Variants in NELL1 observed in about 807,000 individuals in gnomAD.
NELL1 encodes the protein protein kinase C-binding protein NELL1.
Under a neutral mutation model 107.4 loss-of-function variants are expected in NELL1, and 76 were observed. That is an observed-to-expected ratio of 0.71 (90% CI 0.59 to 0.86). The LOEUF is 0.86. Among genes scored for constraint, NELL1 ranks in the 40% least tolerant of loss-of-function variants. NELL1 has a pLI of 0.00. For missense variants in NELL1, 1,024 were observed against 1,005.5 expected, an observed-to-expected ratio of 1.02 and a Z score of -0.25; for synonymous variants, 353 against 341.2, an observed-to-expected ratio of 1.03 and a Z score of -0.38.
intron 12 of NELL1, among the ~76,000 whole-genome samples, chr11:21,103,348 C>T (rs1854867815): frequency 1.3e-5 from 2 of 152,204 alleles, no homozygotes; most frequent in South Asian, 4.2e-4. Flanking sequence ...AAATTGCTAT[C>T]GAATTAACCA....
chr11:21,564,637 T>G, intron 17 of NELL1, among the ~76,000 whole-genome samples: 1 of 151,412 alleles, frequency 6.6e-6, no homozygotes. Flanking sequence ...GTGAGTAGCC[T>G]TCATCGTGAA....
intron 13 of NELL1, among the ~76,000 whole-genome samples, chr11:21,223,472 T>C (rs1627773): frequency 0.81 from 123,292 of 152,074 alleles, 50,146 homozygotes; most frequent in Admixed American, 0.84. Flanking sequence ...GCAATATTAG[T>C]TTCTTATGAA....
chr11:21,210,113 C>A (rs1211417530), intron 13 of NELL1, among the ~76,000 whole-genome samples: 1 of 152,088 alleles, frequency 6.6e-6, no homozygotes, highest in African/African-American at 2.4e-5. Flanking sequence ...GGATATGCTG[C>A]ATTTTCTTCA....
intron 14 of NELL1, among the ~76,000 whole-genome samples, chr11:21,354,259 A>C (rs190732916): frequency 7.2e-5 from 11 of 152,282 alleles, no homozygotes; most frequent in Non-Finnish European, 1.5e-4. Flanking sequence ...GGGCAGGGAC[A>C]GTATTGTCTG....
intron 13 of NELL1, among the ~76,000 whole-genome samples, chr11:21,228,088 C>T (rs946185599): frequency 6.6e-6 from 1 of 152,046 alleles, no homozygotes; most frequent in African/African-American, 2.4e-5. Flanking sequence ...TGTTTTATAA[C>T]TATTTATGAT....
intron 12 of NELL1, among the ~76,000 whole-genome samples, chr11:21,039,785 G>C (rs1056265601): frequency 2.6e-5 from 4 of 152,200 alleles, no homozygotes; most frequent in Non-Finnish European, 4.4e-5. Context: ...AAATTGGAGG[G>C]TAGGAATTCC....
chr11:20,772,201 A>G lies in NELL1; in HGVS notation c.185-11479A>G, dbSNP rs1856653671. Reference sequence around the variant, plus strand: ...ACCAAACTTTTAAAGCAGGCTAGAGATGACACCCTTAATATACAGAGTAGT... The same window carrying G: ...ACCAAACTTTTAAAGCAGGCTAGAGGTGACACCCTTAATATACAGAGTAGT... On this transcript the variant is annotated intron_variant, in intron 2 of 19. Transcript: ENST00000357134. 7.9e-5 allele frequency among the ~76,000 whole-genome samples: 12 copies of G among 152,332 alleles called. 1 individual carries two copies. The South Asian group carries it at 2.5e-3, about 32-fold the overall frequency.
At chr11:20,688,709 G>GT (rs1465949843) in intron 2 of NELL1, among the ~76,000 whole-genome samples, 2 of 152,022 alleles carry the variant, frequency 1.3e-5, no homozygotes, top group Admixed American at 1.3e-4. Context: ...GAGTACATGT[G>GT]TTTTTTGGTA....
chr11:21,456,413 C>T (rs73461292), intron 15 of NELL1, among the ~76,000 whole-genome samples: 4,602 of 151,912 alleles, frequency 0.03, 230 homozygotes, highest in African/African-American at 0.1. Context: ...CAAAACTGCA[C>T]GATGTACTTC....
At position 21,063,111 on chromosome 11, in the gene NELL1, G is replaced by T. The variant is rs559770755; in HGVS notation, c.1301-50478G>T. ...GATCCCCCTGCCTCAGACTCCTGAA[G>T]TGCTAGGATTACAAATGTGAGCCAC... On this transcript the variant is annotated intron_variant, in intron 12 of 19. Coordinates refer to ENST00000357134, the MANE Select transcript of NELL1 (RefSeq NM_006157.5). Among the ~76,000 whole-genome samples, 7 of 152,208 alleles carry T rather than the reference G, an allele frequency of 4.6e-5. No individual in the cohort carries two copies. In the South Asian group the frequency reaches 6.2e-4, roughly 14 times the overall value.
chr11:20,963,804 C>A (rs1376741260), intron 12 of NELL1, among the ~76,000 whole-genome samples: 1 of 152,256 alleles, frequency 6.6e-6, no homozygotes, highest in South Asian at 2.1e-4. Flanking sequence ...CCACAGTGAA[C>A]AAGACTGGCT....
chr11:21,529,324 C>A (rs1456298787), intron 15 of NELL1, among the ~76,000 whole-genome samples: 2 of 152,132 alleles, frequency 1.3e-5, no homozygotes, highest in Non-Finnish European at 2.9e-5. Context: ...AGAGCTCAGC[C>A]ACATGACCTT....
intron 13 of NELL1, among the ~76,000 whole-genome samples, chr11:21,195,530 T>A (rs1857133396): frequency 7.7e-6 from 1 of 129,918 alleles, no homozygotes; most frequent in Non-Finnish European, 1.6e-5. Flanking sequence ...TAATGCAAGA[T>A]ACAGATATAA....
intron 15 of NELL1, among the ~76,000 whole-genome samples, chr11:21,452,192 A>C (rs201126197): frequency 0.019 from 2,925 of 151,658 alleles, 55 homozygotes; most frequent in South Asian, 0.06. Context: ...ATAAAATCTC[A>C]CCTCACAATA....
rs570267171 is a variant in NELL1, at chr11:21,125,493, T to G, written c.1426+11779T>G. On this transcript the variant is annotated intron_variant, in intron 13 of 19. Transcript: ENST00000357134. The stretch of plus-strand genomic sequence containing the variant: ...ACTATTACTTTTCTAATTCTATGAT[T>G]CTGTAAGATATGGTTTCTGACCTCT... Among the ~76,000 whole-genome samples, 32 of 152,358 alleles carry G rather than the reference T, an allele frequency of 2.1e-4. 1 individual carries two copies. The South Asian group carries it at 5.8e-3, about 28-fold the overall frequency.
intron 16 of NELL1, among the ~76,000 whole-genome samples, chr11:21,536,935 G>C (rs564446296): frequency 4.3e-4 from 65 of 152,208 alleles, no homozygotes; most frequent in Non-Finnish European, 7.9e-4. Context: ...TGAAGGATGC[G>C]GTAAAATTCC....
chr11:20,909,823 T>C (rs984770959), intron 5 of NELL1, among the ~76,000 whole-genome samples: 2 of 152,136 alleles, frequency 1.3e-5, no homozygotes, highest in Non-Finnish European at 2.9e-5. Flanking sequence ...AAATGTTGTC[T>C]TCTTTATTTT....
At chr11:21,432,017 A>T (rs1397239931) in intron 15 of NELL1, among the ~76,000 whole-genome samples, 1 of 152,140 alleles carries the variant, frequency 6.6e-6, no homozygotes, top group Non-Finnish European at 1.5e-5. Flanking sequence ...GTAGAAATGT[A>T]TGAATGAATA....
In NELL1 at chr11:21,066,505, C is replaced by T. The variant is rs142998969; in HGVS notation, c.1301-47084C>T. On this transcript the variant is annotated intron_variant, in intron 12 of 19. Transcript: ENST00000357134. The stretch of plus-strand genomic sequence containing the variant: ...CAATCCACAGCTTTTCCTTTCTCTG[C>T]GTACTTTGGGCAAGTTAATTTATTT... 5.9e-3 allele frequency among the ~76,000 whole-genome samples: 905 copies of T among 152,252 alleles called. 7 individuals carry two copies. The highest frequency in any genetic ancestry group is 0.02 in the African/African-American group (847 of 41,532).
Sources: gnomAD v4.1 joint callset for allele counts (sites outside exome capture counted in the v4.1 genomes callset) on GRCh38, gnomAD v4.1.1 for gene constraint, MANE v1.5 for transcripts, NCBI Gene and HGNC (gene_info 2026-07-23, HGNC 2026-07-21) for gene names.